RAB8B: variants seen among roughly 807,000 people sequenced by gnomAD.
RAB8B encodes the protein ras-related protein Rab-8B.
In RAB8B, 11 loss-of-function variants were observed where a neutral mutation model predicts 32.0. The ratio of observed to expected loss-of-function variants is 0.34; its 90% CI spans 0.22 to 0.57. The LOEUF (loss-of-function observed/expected upper bound fraction) is 0.57. RAB8B is among the 20% of genes least tolerant of loss of function. The probability of loss-of-function intolerance (pLI) is 0.86; values close to 1 mark genes in which losing one functional copy is unlikely to be tolerated. For synonymous variants in RAB8B, 103 were observed against 89.6 expected (o/e 1.15, Z -0.85); for missense variants, 190 against 258.5 (o/e 0.73, Z 1.82).
chr15:63,189,703 C>G lies in RAB8B; in HGVS notation c.79C>G (p.Arg27Gly). ...SGVGKTCLLFRFSEDAFNTTF... is the reference protein window; with the variant it reads ...SGVGKTCLLFGFSEDAFNTTF... ...GGTAGGCAAGACCTGCCTCCTGTTC[C>G]GCTTCTCAGAGGACGCCTTCAACAC... The change falls in exon 1 of 8, where the codon CGC becomes GGC. Residue 27 changes from arginine to glycine, a missense_variant. Around this residue, in one of 2 missense-constraint regions of RAB8B, gnomAD observed 80 missense variants for 142.6 expected, o/e 0.56. Transcript: ENST00000321437. 1.2e-6 allele frequency: 2 copies of G among 1,613,714 alleles called. No individual in the cohort carries two copies. The highest frequency in any genetic ancestry group is 1.7e-6 in the Non-Finnish European group (2 of 1,179,828).
intron 1 of RAB8B, among the ~76,000 whole-genome samples, chr15:63,220,637 C>G (rs1411993011): frequency 6.6e-6 from 1 of 151,804 alleles, no homozygotes; most frequent in African/African-American, 2.4e-5. Context: ...TTAAAGTTAC[C>G]CAAATATGTA....
intron 3 of RAB8B, among the ~76,000 whole-genome samples, chr15:63,255,257 A>G (rs2038150258): frequency 6.6e-6 from 1 of 152,222 alleles, no homozygotes; most frequent in African/African-American, 2.4e-5. Flanking sequence ...TATCACCTTT[A>G]CCACGATCAC....
chr15:63,257,932 G>A (rs1379937642), intron 5 of RAB8B, among the ~76,000 whole-genome samples: 8 of 151,394 alleles, frequency 5.3e-5, no homozygotes, highest in South Asian at 2.1e-4. Flanking sequence ...GGTGGCGTGC[G>A]TGCGTCTGTA....
At chr15:63,260,819 C>G (rs1376118112) in intron 6 of RAB8B, among the ~76,000 whole-genome samples, 4 of 151,880 alleles carry the variant, frequency 2.6e-5, no homozygotes, top group Non-Finnish European at 5.9e-5. Flanking sequence ...TTTAATAATA[C>G]TGATAGTTTC....
Position 63,224,021 on chromosome 15 carries a change from C to T in RAB8B, c.125-20735C>T, listed in dbSNP as rs1295741960. On this transcript the variant is annotated intron_variant, in intron 1 of 7. Transcript: ENST00000321437. ...CTCCGTGTGGAGATACTTATGATTC[C>T]TGTTATACCTACATCTTCAGGGTTG... The T allele has an allele frequency of 1.9e-5, 4 of 206,282 alleles. No homozygotes were observed. In the Admixed American group the frequency reaches 2.1e-4, roughly 11 times the overall value. The allele number at this position is 206,282 out of a possible 1,614,324, so 12.8% of individuals were successfully genotyped here.
intron 1 of RAB8B, among the ~76,000 whole-genome samples, chr15:63,223,497 A>G (rs1340297178): frequency 2.0e-5 from 3 of 152,232 alleles, no homozygotes; most frequent in African/African-American, 4.8e-5. Flanking sequence ...CCATTGTGTT[A>G]CAGTTGCATA....
Position 63,240,746 on chromosome 15 carries a change from A to G in RAB8B, c.125-4010A>G, listed in dbSNP as rs115629120. Among the ~76,000 whole-genome samples, 1,051 of 147,036 alleles carry G rather than the reference A, an allele frequency of 7.1e-3. 11 individuals are homozygous for G. Among genetic ancestry groups the G allele is most frequent in the African/African-American group, 0.024 (974 of 40,116 alleles). On this transcript the variant is annotated intron_variant, in intron 1 of 7. Coordinates refer to ENST00000321437, the MANE Select transcript of RAB8B (RefSeq NM_016530.3). The stretch of plus-strand genomic sequence containing the variant: ...TTGAAAACCTTTGAGTAGTGAAAAG[A>G]TGGCTAAGTGTCACCATCTTGTAGA...
chr15:63,205,710 A>G (rs911266303), intron 1 of RAB8B, among the ~76,000 whole-genome samples: 33 of 152,250 alleles, frequency 2.2e-4, no homozygotes, highest in Non-Finnish European at 4.1e-4. Flanking sequence ...AGCAGTTTTA[A>G]GAGAGTTCAT....
intron 1 of RAB8B, among the ~76,000 whole-genome samples, chr15:63,201,332 G>A (rs1054092157): frequency 3.3e-5 from 5 of 152,204 alleles, no homozygotes; most frequent in Non-Finnish European, 7.3e-5. Context: ...AGCTCAGATT[G>A]GACCCCAAAG....
chr15:63,207,792 C>G (rs990357181), intron 1 of RAB8B, among the ~76,000 whole-genome samples: 3 of 152,122 alleles, frequency 2.0e-5, no homozygotes, highest in African/African-American at 7.2e-5. Context: ...TCTCGATCTC[C>G]TGACTTCATG....
intron 1 of RAB8B, among the ~76,000 whole-genome samples, chr15:63,214,007 G>A (rs968115448): frequency 2.0e-5 from 3 of 152,010 alleles, no homozygotes; most frequent in Non-Finnish European, 2.9e-5. Context: ...CTTGAACCTG[G>A]GAGGTGGAGG....
At chr15:63,190,701 G>C (rs1261041284) in intron 1 of RAB8B, among the ~76,000 whole-genome samples, 1 of 152,114 alleles carries the variant, frequency 6.6e-6, no homozygotes, top group African/African-American at 2.4e-5. Context: ...GAAATGATGT[G>C]GTCAGGAAAA....
chr15:63,199,697 T>C (rs2037632174), intron 1 of RAB8B, among the ~76,000 whole-genome samples: 1 of 152,056 alleles, frequency 6.6e-6, no homozygotes, highest in African/African-American at 2.4e-5. Flanking sequence ...TTTTTGAGAC[T>C]TTGTCATCAG....
rs986729086 is a variant in RAB8B, at chr15:63,259,241, T to A, written c.415-386T>A. 6.6e-5 allele frequency among the ~76,000 whole-genome samples: 10 copies of A among 152,122 alleles called. No individual in the cohort carries two copies. Among genetic ancestry groups the A allele is most frequent in the African/African-American group, 2.4e-4 (10 of 41,414 alleles). ...TTCAAGCAATTCTCCTGCCTCAGCC[T>A]CCCGGGTAGCTGGGACTACAGGCGG... On this transcript the variant is annotated intron_variant, in intron 5 of 7. Transcript: ENST00000321437. The surrounding 1 kb of genome is among the most constrained non-coding windows in gnomAD (Gnocchi z 4.4).
At chr15:63,212,474 G>C (rs897933815) in intron 1 of RAB8B, among the ~76,000 whole-genome samples, 1 of 152,172 alleles carries the variant, frequency 6.6e-6, no homozygotes, top group South Asian at 2.1e-4. Context: ...GGGAAATTCT[G>C]ATTGGGGATC....
At chr15:63,246,787 C>T (rs557148455) in intron 2 of RAB8B, among the ~76,000 whole-genome samples, 1 of 152,182 alleles carries the variant, frequency 6.6e-6, no homozygotes, top group Non-Finnish European at 1.5e-5. Context: ...AGTTCCAGCC[C>T]GCTTATCACT....
chr15:63,207,388 G>T (rs2037707339), intron 1 of RAB8B, among the ~76,000 whole-genome samples: 1 of 151,844 alleles, frequency 6.6e-6, no homozygotes, highest in Non-Finnish European at 1.5e-5. Flanking sequence ...CCTCTTCCCG[G>T]CCTCTCTCAG....
chr15:63,190,997 A>G (rs1490064677), intron 1 of RAB8B, among the ~76,000 whole-genome samples: 1 of 152,222 alleles, frequency 6.6e-6, no homozygotes, highest in Non-Finnish European at 1.5e-5. Flanking sequence ...AAGATCTCTT[A>G]ACTTATCATA....
At chr15:63,194,611 T>A (rs1012586524) in intron 1 of RAB8B, among the ~76,000 whole-genome samples, 1 of 152,216 alleles carries the variant, frequency 6.6e-6, no homozygotes, top group Admixed American at 6.5e-5. Flanking sequence ...AAGTAACTAA[T>A]GAAATCATAT....
Sources: allele counts gnomAD v4.1 joint callset (sites outside exome capture counted in the v4.1 genomes callset), GRCh38; gene constraint gnomAD v4.1.1; regional missense constraint gnomAD v4.1.1; non-coding constraint Gnocchi (gnomAD v3.1); transcripts MANE v1.5; gene names NCBI Gene and HGNC (gene_info 2026-07-23, HGNC 2026-07-21).